Variants in BRINP1 observed in about 807,000 individuals in gnomAD.
BRINP1 encodes the protein BMP/retinoic acid-inducible neural-specific protein 1.
Under a neutral mutation model 72.9 loss-of-function variants are expected in BRINP1, and 17 were observed. The ratio of observed to expected loss-of-function variants is 0.23; its 90% CI spans 0.16 to 0.35. The LOEUF is 0.35. BRINP1 is among the 10% of genes least tolerant of loss of function. BRINP1 has a pLI of 1.00. For synonymous variants in BRINP1, 418 were observed against 378.5 expected (o/e 1.10, Z -1.21); for missense variants, 850 against 1,001.6 (o/e 0.85, Z 2.04).
chr9:119,316,785 T>C (rs973004276), intron 1 of BRINP1, among the ~76,000 whole-genome samples: 2 of 152,166 alleles, frequency 1.3e-5, no homozygotes, highest in Non-Finnish European at 2.9e-5. Flanking sequence ...TTAATGGTGT[T>C]TTCATGCCTG....
chr9:119,203,528 C>T (rs1419192331), intron 7 of BRINP1, among the ~76,000 whole-genome samples: 2 of 152,104 alleles, frequency 1.3e-5, no homozygotes, highest in African/African-American at 4.8e-5. Context: ...TACTCACTGT[C>T]CTAAGAAATT....
At chr9:119,333,100 T>C (rs1362700168) in intron 1 of BRINP1, among the ~76,000 whole-genome samples, 1 of 151,760 alleles carries the variant, frequency 6.6e-6, no homozygotes, top group Non-Finnish European at 1.5e-5. Flanking sequence ...GGTTGAGGAC[T>C]CTGGTCCCCA....
chr9:119,228,258 T>A lies in BRINP1; in HGVS notation c.685+10397A>T, dbSNP rs1331636099. On this transcript the variant is annotated intron_variant, in intron 5 of 7. Transcript: ENST00000265922. ...ACTGTCAGTCTAGCACCAATTATAT[T>A]CAAAAACTCAATTCAGCAATTCAGC... Among the ~76,000 whole-genome samples the A allele has an allele frequency of 2.0e-5, 3 of 151,926 alleles. No individual in the cohort carries two copies. In the East Asian group the frequency reaches 5.8e-4, roughly 30 times the overall value.
chr9:119,276,113 C>A (rs1830655192), intron 2 of BRINP1, among the ~76,000 whole-genome samples: 1 of 152,216 alleles, frequency 6.6e-6, no homozygotes, highest in Admixed American at 6.5e-5. Flanking sequence ...GGCAGCCAGA[C>A]AAAACATCTT....
intron 5 of BRINP1, among the ~76,000 whole-genome samples, chr9:119,222,179 A>T (rs1830047452): frequency 6.6e-6 from 1 of 152,174 alleles, no homozygotes; most frequent in South Asian, 2.1e-4. Context: ...TCGGAGGAGC[A>T]GAATCACAGT....
chr9:119,177,145 T>G (rs1269504229), intron 7 of BRINP1, among the ~76,000 whole-genome samples: 2 of 152,174 alleles, frequency 1.3e-5, no homozygotes, highest in African/African-American at 4.8e-5. Context: ...AGAATATTCA[T>G]ATTTTTCTTG....
chr9:119,320,969 C>T (rs1308664384), intron 1 of BRINP1, among the ~76,000 whole-genome samples: 4 of 151,522 alleles, frequency 2.6e-5, no homozygotes, highest in African/African-American at 7.3e-5. Context: ...CTCGCTCTGT[C>T]GCCCAGGCTG....
At chr9:119,238,805 G>T in intron 4 of BRINP1, 45 bp from the exon 5 acceptor site, 1 of 1,296,080 alleles carries the variant, frequency 7.7e-7, no homozygotes, top group Non-Finnish European at 1.1e-6. Context: ...AGCAGTCCTT[G>T]TCTAGGACAT....
chr9:119,365,170 A>C (rs539065604), intron 1 of BRINP1, among the ~76,000 whole-genome samples: 2 of 152,362 alleles, frequency 1.3e-5, no homozygotes, highest in Admixed American at 6.5e-5. Flanking sequence ...TCAGGTGATA[A>C]AGAGATTAAT....
intron 1 of BRINP1, among the ~76,000 whole-genome samples, chr9:119,335,407 GCATTCTATGA>G (rs1243466909): frequency 6.6e-6 from 1 of 152,116 alleles, no homozygotes; most frequent in African/African-American, 2.4e-5. Flanking sequence ...TCTAACTCAG[GCATTCTATGA>G]CACACTCTAT....
chr9:119,168,263 T>C lies in BRINP1; in HGVS notation c.1146-39A>G, dbSNP rs1026719304. The C allele has an allele frequency of 5.5e-6, 8 of 1,442,642 alleles. No individual in the cohort carries two copies. In the Admixed American group the frequency reaches 1.3e-4, roughly 23 times the overall value. The allele number at this position is 1,442,642 out of a possible 1,614,324, so 89.4% of individuals were successfully genotyped here. A position where few individuals can be genotyped will look rare whatever the true frequency, so the allele number is the denominator to read the frequency against. ...GAAAATTGGAGAAGGTTAGCTACCA[T>C]GAGTGGGTCTGTGAGTTACAGTTAT... On this transcript the variant is annotated intron_variant, in intron 7 of 7. Transcript: ENST00000265922.
At chr9:119,270,023 T>G (rs1034939352) in intron 2 of BRINP1, among the ~76,000 whole-genome samples, 1 of 151,914 alleles carries the variant, frequency 6.6e-6, no homozygotes, top group Non-Finnish European at 1.5e-5. Context: ...GAATGCAATG[T>G]TAAGTGGGAT....
intron 2 of BRINP1, among the ~76,000 whole-genome samples, chr9:119,266,328 A>G (rs1203196431): frequency 6.6e-6 from 1 of 152,164 alleles, no homozygotes; most frequent in Non-Finnish European, 1.5e-5. Context: ...AGCAGAGGCC[A>G]CATGAAGGAG....
At chr9:119,350,483 C>T (rs372120030) in intron 1 of BRINP1, among the ~76,000 whole-genome samples, 6 of 152,144 alleles carry the variant, frequency 3.9e-5, no homozygotes, top group African/African-American at 1.4e-4. Context: ...TTCACATTCC[C>T]CTGGTCCCTA....
intron 2 of BRINP1, among the ~76,000 whole-genome samples, chr9:119,281,492 G>A (rs1830711581): frequency 6.6e-6 from 1 of 152,100 alleles, no homozygotes; most frequent in Non-Finnish European, 1.5e-5. Flanking sequence ...GAAGAAGGGA[G>A]GAGCAGGGAA....
intron 3 of BRINP1, among the ~76,000 whole-genome samples, chr9:119,244,292 C>T (rs1231924970): frequency 1.3e-5 from 2 of 152,210 alleles, no homozygotes; most frequent in Admixed American, 6.5e-5. Flanking sequence ...TTGGCCCCCA[C>T]AGCAACCTGA....
chr9:119,211,154 AATAC>A (rs1224636988), intron 6 of BRINP1, among the ~76,000 whole-genome samples: 1 of 151,040 alleles, frequency 6.6e-6, no homozygotes, highest in Non-Finnish European at 1.5e-5. Flanking sequence ...TTAAGAGTTA[AATAC>A]ATTAACTTTA....
At chr9:119,229,475 C>T (rs747905567) in intron 5 of BRINP1, among the ~76,000 whole-genome samples, 2 of 151,984 alleles carry the variant, frequency 1.3e-5, no homozygotes. Flanking sequence ...AACTAAGGTC[C>T]GTTTGACTCC....
At chr9:119,294,609 T>C (rs1830854953) in intron 2 of BRINP1, among the ~76,000 whole-genome samples, 3 of 152,090 alleles carry the variant, frequency 2.0e-5, no homozygotes, top group Admixed American at 1.3e-4. Context: ...CTTACACCTG[T>C]AATCCCAGCA....
Sources: allele counts gnomAD v4.1 joint callset (sites outside exome capture counted in the v4.1 genomes callset), GRCh38; gene constraint gnomAD v4.1.1; transcripts MANE v1.5; gene names NCBI Gene and HGNC (gene_info 2026-07-23, HGNC 2026-07-21).